The following CPM variants were observed in gnomAD, a reference collection of about 807,000 sequenced individuals.
CPM encodes the protein renal carboxypeptidase.
Under a neutral mutation model 46.4 loss-of-function variants are expected in CPM, and 35 were observed. The observed-to-expected ratio is 0.75, with a 90% CI of 0.58 to 1.00. The LOEUF (loss-of-function observed/expected upper bound fraction) is 1.00. Ranked by LOEUF, CPM falls within the 50% of genes least tolerant of loss-of-function variation. The probability of loss-of-function intolerance (pLI) is 0.00; values close to 1 mark genes in which losing one functional copy is unlikely to be tolerated. For synonymous variants in CPM, 195 were observed against 195.3 expected, an observed-to-expected ratio of 1.00 and a Z score of 0.01; for missense variants, 422 against 530.4, an observed-to-expected ratio of 0.80 and a Z score of 2.01.
At chr12:68,923,733 G>A (rs1049176134) in intron 2 of CPM, among the ~76,000 whole-genome samples, 1 of 152,190 alleles carries the variant, frequency 6.6e-6, no homozygotes, top group Non-Finnish European at 1.5e-5. Context: ...TCACATGCTT[G>A]TATCTATACT....
chr12:68,860,279 T>C (rs1354301897), intron 7 of CPM, among the ~76,000 whole-genome samples: 1 of 152,208 alleles, frequency 6.6e-6, no homozygotes, highest in Non-Finnish European at 1.5e-5. Context: ...TATTTTCACT[T>C]CGTGTGTTCC....
chr12:68,910,363 A>G (rs1887544323), intron 2 of CPM, among the ~76,000 whole-genome samples: 1 of 152,198 alleles, frequency 6.6e-6, no homozygotes, highest in Non-Finnish European at 1.5e-5. Context: ...GTTACTCATA[A>G]GACAAAACTG....
chr12:68,867,515 C>T (rs1276125997), intron 6 of CPM, among the ~76,000 whole-genome samples: 1 of 152,150 alleles, frequency 6.6e-6, no homozygotes, highest in East Asian at 1.9e-4. Context: ...TCACTATTGC[C>T]AGGTACCATA....
chr12:68,843,782 G>A (rs138223012), intron 5 of CPM: 130 of 222,444 alleles, frequency 5.8e-4, no homozygotes, highest in African/African-American at 2.8e-3. Context: ...AGCATTATTT[G>A]GAGTTGATAA....
chr12:68,888,811 T>C (rs960842413), intron 2 of CPM, among the ~76,000 whole-genome samples: 1 of 152,206 alleles, frequency 6.6e-6, no homozygotes, highest in African/African-American at 2.4e-5. Context: ...TAACACAAAT[T>C]CTGGGGCTGT....
intron 2 of CPM, among the ~76,000 whole-genome samples, chr12:68,924,149 T>TAAA (rs77792212): frequency 1.1e-4 from 12 of 107,654 alleles, no homozygotes; most frequent in African/African-American, 2.4e-4. Flanking sequence ...TGTCTCTACT[T>TAAA]AAAAAAAAAA....
intron 5 of CPM, chr12:68,844,975 C>T (rs1162809255): frequency 4.7e-5 from 9 of 193,140 alleles, no homozygotes; most frequent in Non-Finnish European, 9.7e-5. Context: ...ACTATGTTGG[C>T]CAGGCTGGGC....
chr12:68,873,664 T>C (rs1482726173), intron 3 of CPM, among the ~76,000 whole-genome samples: 3 of 130,760 alleles, frequency 2.3e-5, no homozygotes, highest in East Asian at 4.5e-4. Context: ...TGAGACCCTG[T>C]CTCAAAAAAA....
At chr12:68,962,305 A>T (rs1413554775) in intron 1 of CPM, among the ~76,000 whole-genome samples, 1 of 152,070 alleles carries the variant, frequency 6.6e-6, no homozygotes, top group Non-Finnish European at 1.5e-5. Flanking sequence ...GTACATTCAC[A>T]CTGTTGTGTC....
At chr12:68,856,732 C>T in intron 8 of CPM, 53 bp from the exon 9 acceptor site, 1 of 1,586,380 alleles carries the variant, frequency 6.3e-7, no homozygotes, top group Non-Finnish European at 8.6e-7. Context: ...GTTCGTGGTG[C>T]CCACACTGAA....
At position 68,931,763 on chromosome 12, in the gene CPM, A is replaced by AAAAAAGAAAG. The variant is rs1482981614; in HGVS notation, c.160+914_160+915insCTTTCTTTTT. ...TCTGACCAAAAAAAAAAAAAAAAAA[A>AAAAAAGAAAG]AAAGAAAGAAAGAAAGAAAGAAAGA... On this transcript the variant is annotated intron_variant, in intron 2 of 8. Transcript: ENST00000551568. 4.7e-3 allele frequency among the ~76,000 whole-genome samples: 616 copies of AAAAAAGAAAG among 132,414 alleles called. 7 individuals are homozygous for AAAAAAGAAAG. The highest frequency in any genetic ancestry group is 6.5e-3 in the Non-Finnish European group (417 of 63,730). The allele number at this position is 132,414 out of a possible 152,430, so 86.9% of individuals were successfully genotyped here. A position where few individuals can be genotyped will look rare whatever the true frequency, so the allele number is the denominator to read the frequency against.
chr12:68,884,009 C>T (rs1342376661), intron 3 of CPM, among the ~76,000 whole-genome samples: 1 of 144,220 alleles, frequency 6.9e-6, no homozygotes, highest in Non-Finnish European at 1.5e-5. Flanking sequence ...ACTCAGGAGG[C>T]GGAGGCAGGA....
intron 7 of CPM, among the ~76,000 whole-genome samples, chr12:68,865,825 C>G (rs1238073864): frequency 1.3e-5 from 2 of 152,316 alleles, no homozygotes; most frequent in East Asian, 1.9e-4. Flanking sequence ...ATTCCATCAT[C>G]ATCTCTAGCA....
At chr12:68,896,370 T>A (rs529929714) in intron 2 of CPM, among the ~76,000 whole-genome samples, 12 of 151,578 alleles carry the variant, frequency 7.9e-5, no homozygotes, top group African/African-American at 2.9e-4. Context: ...AAACCAAAGG[T>A]TTTCCTGCAA....
chr12:68,884,244 T>G (rs1470531490), intron 3 of CPM, among the ~76,000 whole-genome samples: 2 of 152,108 alleles, frequency 1.3e-5, no homozygotes, highest in Non-Finnish European at 2.9e-5. Context: ...AAAACTAACT[T>G]TGGTCAGACT....
upstream of CPM, chr12:68,933,334 C>T (rs572197398): frequency 1.1e-4 from 17 of 152,092 alleles, no homozygotes; most frequent in South Asian, 3.3e-3. Flanking sequence ...CCGCGCGGTG[C>T]GCCCTTTCGT....
intron 1 of CPM, among the ~76,000 whole-genome samples, chr12:68,940,072 C>T (rs1409733893): frequency 1.3e-5 from 2 of 151,402 alleles, no homozygotes; most frequent in Non-Finnish European, 2.9e-5. Flanking sequence ...TTTATATTTT[C>T]TTCTATTTTT....
At chr12:68,957,013 C>G (rs1386094888) in intron 1 of CPM, among the ~76,000 whole-genome samples, 1 of 152,162 alleles carries the variant, frequency 6.6e-6, no homozygotes, top group African/African-American at 2.4e-5. Flanking sequence ...CCCTCCTCGG[C>G]CTTTATCCTG....
intron 2 of CPM, among the ~76,000 whole-genome samples, chr12:68,909,987 A>G (rs866140036): frequency 2.0e-5 from 3 of 151,984 alleles, no homozygotes; most frequent in Non-Finnish European, 4.4e-5. Context: ...AAAGTATAAT[A>G]ATAATAATAA....
Sources: gnomAD v4.1 joint callset for allele counts (sites outside exome capture counted in the v4.1 genomes callset) on GRCh38, gnomAD v4.1.1 for gene constraint, MANE v1.5 for transcripts, NCBI Gene and HGNC (gene_info 2026-07-23, HGNC 2026-07-21) for gene names.